Variants in SLC10A7 observed in about 807,000 individuals in gnomAD.
SLC10A7 encodes sodium/bile acid cotransporter 7.
In SLC10A7, 29 loss-of-function variants were observed where a neutral mutation model predicts 43.2. That is an observed-to-expected ratio of 0.67 (90% CI 0.50 to 0.92). SLC10A7 has a LOEUF of 0.92. Among genes scored for constraint, SLC10A7 ranks in the 40% least tolerant of loss-of-function variants. The pLI is 0.00. For missense variants in SLC10A7, 295 were observed against 403.2 expected, an observed-to-expected ratio of 0.73 and a Z score of 2.30; for synonymous variants, 152 against 144.8, an observed-to-expected ratio of 1.05 and a Z score of -0.35.
intron 5 of SLC10A7, among the ~76,000 whole-genome samples, chr4:146,419,493 A>G (rs922813597): frequency 2.0e-5 from 3 of 152,176 alleles, no homozygotes; most frequent in African/African-American, 7.2e-5. Flanking sequence ...CTAGATAACT[A>G]TTTTACACTT....
intron 4 of SLC10A7, among the ~76,000 whole-genome samples, chr4:146,450,600 T>A (rs1731495990): frequency 6.6e-6 from 1 of 152,138 alleles, no homozygotes; most frequent in Non-Finnish European, 1.5e-5. Context: ...ATGAGACATC[T>A]GCAGAAAGCA....
intron 3 of SLC10A7, among the ~76,000 whole-genome samples, chr4:146,505,725 T>G (rs1279845898): frequency 6.6e-6 from 1 of 152,230 alleles, no homozygotes; most frequent in East Asian, 1.9e-4. Context: ...TACAAAGAGC[T>G]ACTAGAGTCG....
At chr4:146,271,663 G>A (rs1728903974) in intron 10 of SLC10A7, among the ~76,000 whole-genome samples, 1 of 152,098 alleles carries the variant, frequency 6.6e-6, no homozygotes, top group African/African-American at 2.4e-5. Flanking sequence ...CTGAGTAAGA[G>A]GCAAGTCCCT....
rs76035000 is a variant in SLC10A7, at chr4:146,293,042, T to C, written c.722-62A>G. 1,965 of 1,025,608 alleles carry C rather than the reference T, an allele frequency of 1.9e-3. 32 individuals are homozygous for C. The East Asian group carries it at 0.028, about 14-fold the overall frequency. 63.5% of individuals were successfully genotyped at this position (1,025,608 alleles called of 1,614,324 possible). Reference sequence around the variant, plus strand: ...AAAAGCAGTATTTGTAGCATACTTATTGGTATACTTGTTTTATCTAAAATT... The same window carrying C: ...AAAAGCAGTATTTGTAGCATACTTACTGGTATACTTGTTTTATCTAAAATT... On this transcript the variant is annotated intron_variant, in intron 8 of 11. Coordinates refer to ENST00000335472, the MANE Select transcript of SLC10A7 (RefSeq NM_001029998.6).
At chr4:146,323,718 T>A (rs1732901609) in intron 6 of SLC10A7, among the ~76,000 whole-genome samples, 1 of 152,134 alleles carries the variant, frequency 6.6e-6, no homozygotes, top group Admixed American at 6.5e-5. Context: ...TCTTTTTTGG[T>A]TCCATATGGC....
chr4:146,258,610 T>TA, intron 11 of SLC10A7, 82 bp downstream of exon 11: 1 of 1,374,278 alleles, frequency 7.3e-7, no homozygotes, highest in Non-Finnish European at 9.7e-7. Flanking sequence ...GCAAGCAAAA[T>TA]CGAAAGTGTA....
At chr4:146,284,379 C>G (rs999758222) in intron 9 of SLC10A7, among the ~76,000 whole-genome samples, 9 of 152,160 alleles carry the variant, frequency 5.9e-5, no homozygotes, top group African/African-American at 1.4e-4. Context: ...GGAGAAAACT[C>G]TTCCCTAAAT....
At chr4:146,258,362 G>A (rs1728007396) in intron 11 of SLC10A7, among the ~76,000 whole-genome samples, 1 of 152,220 alleles carries the variant, frequency 6.6e-6, no homozygotes, top group African/African-American at 2.4e-5. Context: ...AAGATGGTAT[G>A]CACCAGAGTG....
chr4:146,309,568 T>C (rs1731819160), intron 6 of SLC10A7, among the ~76,000 whole-genome samples: 1 of 152,106 alleles, frequency 6.6e-6, no homozygotes, highest in Non-Finnish European at 1.5e-5. Flanking sequence ...ACTAATCTAG[T>C]ACATAGGGTG....
intron 7 of SLC10A7, among the ~76,000 whole-genome samples, chr4:146,294,668 T>C (rs1730659951): frequency 6.6e-6 from 1 of 152,222 alleles, no homozygotes. Flanking sequence ...AAACTCTGAA[T>C]ATCTAGAGTT....
intron 5 of SLC10A7, among the ~76,000 whole-genome samples, chr4:146,417,733 A>G (rs1192538267): frequency 6.6e-6 from 1 of 152,218 alleles, no homozygotes; most frequent in East Asian, 1.9e-4. Flanking sequence ...CACAAAACAT[A>G]TCACTATGAA....
intron 6 of SLC10A7, among the ~76,000 whole-genome samples, 173 bp from the exon 7 acceptor site, chr4:146,306,182 A>C (rs1731559257): frequency 6.6e-6 from 1 of 152,166 alleles, no homozygotes; most frequent in African/African-American, 2.4e-5. Context: ...AAAAACTGTT[A>C]AGTATTTTAA....
intron 5 of SLC10A7, among the ~76,000 whole-genome samples, chr4:146,388,088 G>A (rs1227287065): frequency 9.9e-5 from 15 of 151,954 alleles, no homozygotes; most frequent in Admixed American, 9.8e-4. Flanking sequence ...AAATTCACAG[G>A]GAACTAAAAA....
chr4:146,328,989 A>G (rs1178376084), intron 5 of SLC10A7, among the ~76,000 whole-genome samples: 4 of 152,240 alleles, frequency 2.6e-5, no homozygotes, highest in East Asian at 1.9e-4. Context: ...AAATGCCTGA[A>G]AAAGAATTCA....
At chr4:146,457,600 C>T (rs1309126929) in intron 4 of SLC10A7, among the ~76,000 whole-genome samples, 1 of 151,852 alleles carries the variant, frequency 6.6e-6, no homozygotes, top group East Asian at 1.9e-4. Context: ...GTTTGTTCAT[C>T]CCTGCTCTTG....
chr4:146,420,828 C>G (rs1217633838), intron 5 of SLC10A7, among the ~76,000 whole-genome samples: 1 of 151,930 alleles, frequency 6.6e-6, no homozygotes, highest in Non-Finnish European at 1.5e-5. Flanking sequence ...AGTTGAAGAC[C>G]AGCCTAGGCA....
chr4:146,393,564 A>G (rs943170669), intron 5 of SLC10A7, among the ~76,000 whole-genome samples: 1 of 152,252 alleles, frequency 6.6e-6, no homozygotes, highest in Non-Finnish European at 1.5e-5. Flanking sequence ...TGGAATAGAC[A>G]TTGTGCTGGC....
chr4:146,291,668 T>A (rs1470144610), intron 9 of SLC10A7, among the ~76,000 whole-genome samples: 1 of 152,186 alleles, frequency 6.6e-6, no homozygotes, highest in Non-Finnish European at 1.5e-5. Flanking sequence ...ACATTTGCAT[T>A]ATTGCTTCTT....
chr4:146,510,507 C>T (rs991859962), intron 2 of SLC10A7, among the ~76,000 whole-genome samples: 3 of 152,090 alleles, frequency 2.0e-5, no homozygotes, highest in Non-Finnish European at 2.9e-5. Flanking sequence ...GATCTGCCCC[C>T]CTCAGCTTCC....
Sources: allele counts gnomAD v4.1 joint callset (sites outside exome capture counted in the v4.1 genomes callset), GRCh38; gene constraint gnomAD v4.1.1; transcripts MANE v1.5; gene names NCBI Gene and HGNC (gene_info 2026-07-23, HGNC 2026-07-21).